The following CUX2 variants were observed in gnomAD, a reference collection of about 807,000 sequenced individuals.
The protein encoded by CUX2 is cut like homeobox 2, also known as homeobox protein cut-like 2.
Under a neutral mutation model 144.8 loss-of-function variants are expected in CUX2, and 40 were observed. That is an observed-to-expected ratio of 0.28 (90% CI 0.21 to 0.36). CUX2 has a LOEUF of 0.36. CUX2 is among the 10% of genes least tolerant of loss of function. The pLI, the probability that CUX2 is intolerant of heterozygous loss-of-function variation, is 1.00. For synonymous variants in CUX2, 827 were observed against 875.6 expected, an observed-to-expected ratio of 0.94 and a Z score of 0.98; for missense variants, 1,615 against 1,994.0, an observed-to-expected ratio of 0.81 and a Z score of 3.62.
At position 111,263,021 on chromosome 12, in the gene CUX2, G is replaced by A. The variant is rs994980912; in HGVS notation, c.223-740G>A. On this transcript the variant is annotated intron_variant, in intron 3 of 21. Transcript: ENST00000261726. This position sits in a 1 kb window ranked among gnomAD's most constrained non-coding sequence, Gnocchi z 4.0. ...CCTGTTATTTACCCCGCATTTTACA[G>A]ATGAAGAAACTGAGAATCAGAGAGG... 6.6e-6 allele frequency among the ~76,000 whole-genome samples: 1 copy of A among 152,224 alleles called. No homozygotes were observed. The highest frequency in any genetic ancestry group is 1.5e-5 in the Non-Finnish European group (1 of 68,048).
chr12:111,044,857 C>T (rs1435716773), intron 1 of CUX2, among the ~76,000 whole-genome samples: 4 of 152,172 alleles, frequency 2.6e-5, no homozygotes, highest in South Asian at 2.1e-4. Context: ...AATTGGGCAC[C>T]GGCCTCAGGC....
intron 1 of CUX2, among the ~76,000 whole-genome samples, chr12:111,042,996 G>A (rs9668250): frequency 0.072 from 10,942 of 152,126 alleles, 1,303 homozygotes; most frequent in African/African-American, 0.25. Flanking sequence ...CCAGCACATT[G>A]AAACATGATA....
chr12:111,187,953 G>A (rs1478801460), intron 1 of CUX2, among the ~76,000 whole-genome samples: 2 of 152,256 alleles, frequency 1.3e-5, no homozygotes. Context: ...TCACAGGCTT[G>A]CACTGAGTCA....
chr12:111,103,659 CTACTA>C (rs1873407998), intron 1 of CUX2, among the ~76,000 whole-genome samples: 1 of 152,180 alleles, frequency 6.6e-6, no homozygotes, highest in South Asian at 2.1e-4. Flanking sequence ...GGGCCACTGT[CTACTA>C]TAACAGGCAG....
intron 2 of CUX2, among the ~76,000 whole-genome samples, chr12:111,215,262 T>TG (rs949895794): frequency 6.6e-6 from 1 of 151,398 alleles, no homozygotes; most frequent in African/African-American, 2.4e-5. Context: ...CCGAGATTGG[T>TG]GGGGGGTCCT....
At chr12:111,315,996 G>C (rs548104752) in intron 16 of CUX2, among the ~76,000 whole-genome samples, 66 of 152,278 alleles carry the variant, frequency 4.3e-4, no homozygotes, top group African/African-American at 1.5e-3. Flanking sequence ...AATATTTCAC[G>C]TGGTTGCTCC....
rs1299932561 is a variant in CUX2 at position 111,034,693 on chromosome 12, G to C, written c.63+453G>C. ...ACCCGGCTGGGGCTCCGGCGAGGGA[G>C]GGAGGGAGCTGGCGGGCAGGGAGGA... On this transcript the variant is annotated intron_variant, in intron 1 of 21. Transcript: ENST00000261726. This position sits in a 1 kb window ranked among gnomAD's most constrained non-coding sequence, Gnocchi z 4.2. Among the ~76,000 whole-genome samples the C allele has an allele frequency of 6.6e-6, 1 of 151,704 alleles. No homozygotes were observed. The highest frequency in any genetic ancestry group is 1.5e-5 in the Non-Finnish European group (1 of 67,850).
At chr12:111,210,963 T>A (rs1003449714) in intron 1 of CUX2, among the ~76,000 whole-genome samples, 4 of 152,106 alleles carry the variant, frequency 2.6e-5, no homozygotes, top group African/African-American at 9.7e-5. Flanking sequence ...AAGGAGATAA[T>A]CCACACCTCA....
intron 1 of CUX2, among the ~76,000 whole-genome samples, chr12:111,100,996 G>A (rs1873198370): frequency 6.6e-6 from 1 of 152,132 alleles, no homozygotes. Context: ...TGAGGGCTGT[G>A]GCCATTTTTA....
intron 16 of CUX2, among the ~76,000 whole-genome samples, chr12:111,314,500 G>A (rs1157224737): frequency 6.6e-6 from 1 of 152,070 alleles, no homozygotes; most frequent in Non-Finnish European, 1.5e-5. Flanking sequence ...AATTGGCTGG[G>A]CATGGTGGTA....
At chr12:111,185,887 GTC>G (rs1566280964) in intron 1 of CUX2, among the ~76,000 whole-genome samples, 2 of 151,928 alleles carry the variant, frequency 1.3e-5, no homozygotes, top group East Asian at 1.9e-4. Context: ...GCAGTAGTTG[GTC>G]TCTCATTCTC....
Position 111,156,886 on chromosome 12 carries a change from T to C in CUX2, c.64-57314T>C, listed in dbSNP as rs912099622. ...CTGTAATCCCAGCTACTTGGGAAGC[T>C]GAGGCAGGAGAATTGCTTGAATCCA... On this transcript the variant is annotated intron_variant, in intron 1 of 21. Transcript: ENST00000261726. 3.4e-5 allele frequency among the ~76,000 whole-genome samples: 5 copies of C among 145,890 alleles called. No homozygotes were observed. The South Asian group carries it at 1.1e-3, about 31-fold the overall frequency.
At chr12:111,243,823 C>A (rs1311499253) in intron 3 of CUX2, among the ~76,000 whole-genome samples, 1 of 152,144 alleles carries the variant, frequency 6.6e-6, no homozygotes, top group Non-Finnish European at 1.5e-5. Context: ...CAAACTGAGA[C>A]AAGTTGGTCA....
At chr12:111,238,920 C>T (rs1368284077) in intron 3 of CUX2, among the ~76,000 whole-genome samples, 1 of 152,190 alleles carries the variant, frequency 6.6e-6, no homozygotes, top group East Asian at 1.9e-4. Flanking sequence ...TGGTGCATGC[C>T]TGTAGTCTCA....
At chr12:111,074,674 G>T (rs527682831) in intron 1 of CUX2, among the ~76,000 whole-genome samples, 3 of 152,148 alleles carry the variant, frequency 2.0e-5, no homozygotes, top group African/African-American at 7.2e-5. Flanking sequence ...GAAGTGGGGG[G>T]TTGTGGGCAC....
intron 1 of CUX2, among the ~76,000 whole-genome samples, chr12:111,083,938 G>A (rs1052575767): frequency 6.6e-6 from 1 of 152,182 alleles, no homozygotes; most frequent in African/African-American, 2.4e-5. Flanking sequence ...GGCACAAAGG[G>A]CAGTGAGAGT....
At chr12:111,220,743 C>CAAAAAAAAAAAAAAA (rs549438290) in intron 3 of CUX2, among the ~76,000 whole-genome samples, 4 of 39,132 alleles carry the variant, frequency 1.0e-4, no homozygotes, top group African/African-American at 4.2e-4. Flanking sequence ...CTCATCTCTG[C>CAAAAAAAAAAAAAAA]AAAAAAAAAA....
intron 1 of CUX2, among the ~76,000 whole-genome samples, chr12:111,129,203 A>T (rs1354097677): frequency 6.6e-6 from 1 of 152,252 alleles, no homozygotes; most frequent in East Asian, 1.9e-4. Flanking sequence ...TCTTACCAAT[A>T]AGTCTAGGAT....
In CUX2 at chr12:111,224,157, G is replaced by A. The variant is rs375839477; in HGVS notation, c.222+6220G>A. On this transcript the variant is annotated intron_variant, in intron 3 of 21. Coordinates refer to ENST00000261726, the MANE Select transcript of CUX2 (RefSeq NM_015267.4). Reference sequence around the variant, plus strand: ...GGGCCCTGGTCTCTCAGAGATGACCGAGAGGACAGACCATTCCCCCGTCCT... The same window carrying A: ...GGGCCCTGGTCTCTCAGAGATGACCAAGAGGACAGACCATTCCCCCGTCCT... 3.0e-4 allele frequency among the ~76,000 whole-genome samples: 46 copies of A among 152,224 alleles called. No homozygotes were observed. The South Asian group carries it at 5.4e-3, about 18-fold the overall frequency.
Sources: allele counts gnomAD v4.1 joint callset (sites outside exome capture counted in the v4.1 genomes callset), GRCh38; gene constraint gnomAD v4.1.1; non-coding constraint Gnocchi (gnomAD v3.1); transcripts MANE v1.5; gene names NCBI Gene and HGNC (gene_info 2026-07-23, HGNC 2026-07-21).